Variants in LHPP observed in about 807,000 individuals in gnomAD.
The protein encoded by LHPP is phospholysine phosphohistidine inorganic pyrophosphate phosphatase, also known as hLHPP.
In LHPP, 24 loss-of-function variants were observed where a neutral mutation model predicts 30.3. The observed-to-expected ratio is 0.79, with a 90% CI of 0.57 to 1.11. LHPP has a LOEUF of 1.11. Ranked by LOEUF, LHPP falls within the 50% of genes most tolerant of loss-of-function variation. The pLI, the probability that LHPP is intolerant of heterozygous loss-of-function variation, is 0.00. For missense variants in LHPP, 356 were observed against 367.2 expected, an observed-to-expected ratio of 0.97 and a Z score of 0.25; for synonymous variants, 150 against 157.1, an observed-to-expected ratio of 0.95 and a Z score of 0.34.
intron 2 of LHPP, among the ~76,000 whole-genome samples, chr10:124,486,538 G>A (rs1953332513): frequency 6.6e-6 from 1 of 152,250 alleles, no homozygotes; most frequent in Admixed American, 6.5e-5. Context: ...GAGAAGACAG[G>A]CATGAACTTC....
At chr10:124,554,660 AGGGGCCAGGTGGGC>A (rs1024131169) in intron 6 of LHPP, among the ~76,000 whole-genome samples, 2 of 149,674 alleles carry the variant, frequency 1.3e-5, no homozygotes, top group African/African-American at 2.4e-5. Context: ...CCCAGGTGGG[AGGGGCCAGGTGGGC>A]GGGGCCAGGT....
chr10:124,493,162 C>T (rs1162169931), intron 3 of LHPP, among the ~76,000 whole-genome samples: 1 of 150,244 alleles, frequency 6.7e-6, no homozygotes, highest in African/African-American at 2.4e-5. Context: ...CTTTGTAATA[C>T]CGCAGCAAAT....
intron 6 of LHPP, among the ~76,000 whole-genome samples, chr10:124,612,370 A>G (rs897325969): frequency 2.0e-5 from 3 of 152,066 alleles, no homozygotes; most frequent in Admixed American, 6.6e-5. Flanking sequence ...GCACCATTGC[A>G]CTCCAGCCTG....
chr10:124,534,716 G>A (rs370999403), intron 6 of LHPP, among the ~76,000 whole-genome samples: 4 of 152,210 alleles, frequency 2.6e-5, no homozygotes, highest in East Asian at 1.9e-4. Flanking sequence ...GTTCCTATGC[G>A]CTCTCGGGGC....
intron 5 of LHPP, among the ~76,000 whole-genome samples, chr10:124,511,534 AAC>A (rs1954295516): frequency 6.6e-6 from 1 of 152,058 alleles, no homozygotes; most frequent in South Asian, 2.1e-4. Flanking sequence ...CAGAATTCTC[AAC>A]ATTGTGGCCC....
Position 124,613,226 on chromosome 10 carries a change from C to A in LHPP, c.717-38C>A, listed in dbSNP as rs773923504. 4 of 1,477,582 alleles carry A rather than the reference C, an allele frequency of 2.7e-6. No individual in the cohort carries two copies. In the African/African-American group the frequency reaches 5.5e-5, roughly 20 times the overall value. 91.5% of individuals were successfully genotyped at this position (1,477,582 alleles called of 1,614,324 possible). ...GTGGGTGTGGCTGCAGAGGGGTCAG[C>A]GTGGGGGCACTGACTAACCTCCGGC... On this transcript the variant is annotated intron_variant, in intron 6 of 6. Transcript: ENST00000368842.
At chr10:124,570,832 C>T (rs561916017) in intron 6 of LHPP, among the ~76,000 whole-genome samples, 1 of 152,370 alleles carries the variant, frequency 6.6e-6, no homozygotes, top group South Asian at 2.1e-4. Flanking sequence ...TAATATTCCA[C>T]TATGTGGATA....
At chr10:124,545,825 G>T (rs1388912362) in intron 6 of LHPP, among the ~76,000 whole-genome samples, 1 of 152,204 alleles carries the variant, frequency 6.6e-6, no homozygotes, top group African/African-American at 2.4e-5. Flanking sequence ...CTGTCATTCT[G>T]CTGCAAGAGG....
chr10:124,527,342 C>T (rs1309871318), intron 6 of LHPP, among the ~76,000 whole-genome samples: 2 of 152,242 alleles, frequency 1.3e-5, no homozygotes, highest in Non-Finnish European at 2.9e-5. Context: ...GCCCCTGACT[C>T]CTGTCCTTGC....
chr10:124,496,076 T>C lies in LHPP; in HGVS notation c.468-885T>C, dbSNP rs754146647. On this transcript the variant is annotated intron_variant, in intron 3 of 6. Coordinates refer to ENST00000368842, the MANE Select transcript of LHPP (RefSeq NM_022126.4). The surrounding 1 kb of genome is among the most constrained non-coding windows in gnomAD (Gnocchi z 4.3). ...TGGCAGGAGGAGAGGGAAACTGATG[T>C]GATGGTGGATGGCAAAACATTTTAG... Among the ~76,000 whole-genome samples, 19 of 152,196 alleles carry C rather than the reference T, an allele frequency of 1.2e-4. No individual in the cohort carries two copies. The highest frequency in any genetic ancestry group is 1.9e-4 in the African/African-American group (8 of 41,458).
intron 6 of LHPP, among the ~76,000 whole-genome samples, chr10:124,609,356 C>T (rs1225893373): frequency 5.9e-5 from 9 of 152,186 alleles, no homozygotes; most frequent in Non-Finnish European, 1.3e-4. Context: ...GATCCTCCCA[C>T]CTCAGCCTCC....
At chr10:124,558,435 A>T (rs1948338327) in intron 6 of LHPP, among the ~76,000 whole-genome samples, 1 of 152,246 alleles carries the variant, frequency 6.6e-6, no homozygotes, top group Non-Finnish European at 1.5e-5. Context: ...CCCACCGGCA[A>T]GGGGCTCTGA....
At chr10:124,587,370 T>C (rs548624714) in intron 6 of LHPP, among the ~76,000 whole-genome samples, 124 of 152,110 alleles carry the variant, frequency 8.2e-4, no homozygotes, top group African/African-American at 2.9e-3. Flanking sequence ...CTACCATGGC[T>C]GATTTCCTCT....
At chr10:124,497,432 C>G (rs1195838557) in intron 4 of LHPP, among the ~76,000 whole-genome samples, 1 of 152,148 alleles carries the variant, frequency 6.6e-6, no homozygotes, top group Non-Finnish European at 1.5e-5. Flanking sequence ...GCATCTGCAG[C>G]ACCTCAAGCT....
intron 2 of LHPP, among the ~76,000 whole-genome samples, chr10:124,484,692 GA>G: frequency 6.6e-6 from 1 of 151,784 alleles, no homozygotes; most frequent in African/African-American, 2.4e-5. Context: ...GAGAGAGAGA[GA>G]GAGAAAATGA....
At chr10:124,545,222 T>A (rs1955304138) in intron 6 of LHPP, among the ~76,000 whole-genome samples, 1 of 152,208 alleles carries the variant, frequency 6.6e-6, no homozygotes, top group Non-Finnish European at 1.5e-5. Flanking sequence ...TGCCGGGGCC[T>A]CGGCTGAGTC....
intron 6 of LHPP, among the ~76,000 whole-genome samples, chr10:124,579,957 C>A (rs191122658): frequency 2.4e-4 from 36 of 152,296 alleles, no homozygotes; most frequent in Non-Finnish European, 3.7e-4. Flanking sequence ...TTTTAAACTT[C>A]TTCTCTTAAG....
chr10:124,605,409 A>G (rs3740541), intron 6 of LHPP: 29,925 of 152,368 alleles, frequency 0.2, 3,254 homozygotes, highest in East Asian at 0.28. Context: ...GTGGCAGAGC[A>G]GCCCCCAGCT....
At chr10:124,554,035 T>C (rs1948240724) in intron 6 of LHPP, 1 of 985,426 alleles carries the variant, frequency 1.0e-6, no homozygotes. Context: ...CCACTGCAGA[T>C]AGAAGAAGGC....
Sources: gnomAD v4.1 joint callset for allele counts (sites outside exome capture counted in the v4.1 genomes callset) on GRCh38, gnomAD v4.1.1 for gene constraint, Gnocchi (gnomAD v3.1) non-coding constraint, MANE v1.5 for transcripts, NCBI Gene and HGNC (gene_info 2026-07-23, HGNC 2026-07-21) for gene names.